PPP6R2: variants seen among roughly 807,000 people sequenced by gnomAD.
PPP6R2 encodes the protein serine/threonine-protein phosphatase 6 regulatory subunit 2.
In PPP6R2, 62 loss-of-function variants were observed where a neutral mutation model predicts 100.2. The ratio of observed to expected loss-of-function variants is 0.62; its 90% CI spans 0.50 to 0.76. PPP6R2 has a LOEUF of 0.76. Among genes scored for constraint, PPP6R2 ranks in the 30% least tolerant of loss-of-function variants. The probability of loss-of-function intolerance (pLI) is 0.00; values close to 1 mark genes in which losing one functional copy is unlikely to be tolerated. For missense variants in PPP6R2, 1,142 were observed against 1,276.3 expected, an observed-to-expected ratio of 0.89 and a Z score of 1.60; for synonymous variants, 525 against 514.7, an observed-to-expected ratio of 1.02 and a Z score of -0.27.
chr22:50,342,064 A>G (rs59137481), upstream of PPP6R2, among the ~76,000 whole-genome samples: 33,498 of 151,526 alleles, frequency 0.22, 5,445 homozygotes, highest in African/African-American at 0.46. Flanking sequence ...GAGGGGTATC[A>G]AGATCAGGCA....
chr22:50,379,883 C>A (rs925946811), intron 2 of PPP6R2, among the ~76,000 whole-genome samples: 2 of 152,108 alleles, frequency 1.3e-5, no homozygotes, highest in African/African-American at 4.8e-5. Flanking sequence ...CTCCAAAAAA[C>A]CCCACTAATT....
chr22:50,394,936 GTT>G (rs1371480711), intron 3 of PPP6R2, among the ~76,000 whole-genome samples: 7 of 128,300 alleles, frequency 5.5e-5, no homozygotes, highest in Admixed American at 3.2e-4. Context: ...AAAAAAAAGA[GTT>G]TTGACTGTCT....
chr22:50,422,508 A>G (rs2061471074), intron 9 of PPP6R2, 128 bp downstream of exon 9: 2 of 1,262,390 alleles, frequency 1.6e-6, no homozygotes, highest in Admixed American at 5.4e-5. Flanking sequence ...TAAGACGGCC[A>G]TTCCCACACC....
chr22:50,432,336 G>T lies in PPP6R2; in HGVS notation c.1400+7G>T. 1.9e-6 allele frequency: 3 copies of T among 1,548,752 alleles called. No individual in the cohort carries two copies. The highest frequency in any genetic ancestry group is 2.6e-6 in the Non-Finnish European group (3 of 1,146,682). On this transcript the variant is annotated splice_region_variant and intron_variant, in intron 12 of 23. Coordinates refer to ENST00000612753, the MANE Select transcript of PPP6R2 (RefSeq NM_001242898.2). ...AAGCCAACGACCACACGCAGTAAGA[G>T]CCGCTCGGACGTGGAGGGACCCAGC...
chr22:50,396,814 G>C (rs2056997417), intron 3 of PPP6R2, among the ~76,000 whole-genome samples: 1 of 152,156 alleles, frequency 6.6e-6, no homozygotes, highest in South Asian at 2.1e-4. Context: ...TGCTGGGTTG[G>C]GGAGGAGAGT....
intron 4 of PPP6R2, among the ~76,000 whole-genome samples, chr22:50,409,709 A>T (rs1170404703): frequency 6.6e-6 from 1 of 151,916 alleles, no homozygotes; most frequent in African/African-American, 2.4e-5. Context: ...TACAGGCGTA[A>T]GCCACCGCGC....
chr22:50,416,779 C>T (rs1334617963), intron 6 of PPP6R2, among the ~76,000 whole-genome samples: 3 of 151,808 alleles, frequency 2.0e-5, no homozygotes, highest in Non-Finnish European at 4.4e-5. Context: ...GCCTGGCCAA[C>T]GTGGCGAAAC....
chr22:50,359,517 T>C (rs991871173), intron 1 of PPP6R2, among the ~76,000 whole-genome samples: 1 of 141,604 alleles, frequency 7.1e-6, no homozygotes, highest in African/African-American at 3.0e-5. Context: ...ATGCCCGGCC[T>C]GTGGAGTGTT....
intron 2 of PPP6R2, among the ~76,000 whole-genome samples, chr22:50,379,423 G>A (rs2052398284): frequency 6.6e-6 from 1 of 152,098 alleles, no homozygotes; most frequent in African/African-American, 2.4e-5. Flanking sequence ...CTTGAGCCTG[G>A]AGGTGGAGGC....
At chr22:50,380,429 C>T (rs112977909) in intron 2 of PPP6R2, among the ~76,000 whole-genome samples, 5 of 151,052 alleles carry the variant, frequency 3.3e-5, no homozygotes, top group Non-Finnish European at 7.4e-5. Flanking sequence ...GGTGCAGTCT[C>T]GGCTCACTGC....
intron 2 of PPP6R2, among the ~76,000 whole-genome samples, chr22:50,375,369 T>C (rs2051253272): frequency 6.6e-6 from 1 of 152,156 alleles, no homozygotes. Context: ...CACCATAGAA[T>C]GGGGTCTGCT....
Position 50,440,987 on chromosome 22 carries a change from C to T in PPP6R2, c.2540C>T (p.Pro847Leu), listed in dbSNP as rs759377991. The T allele has an allele frequency of 1.1e-4, 180 of 1,609,900 alleles. No homozygotes were observed. Among genetic ancestry groups the T allele is most frequent in the African/African-American group, 5.6e-4 (42 of 74,868 alleles). ...AGGGGTCCCGGCCGGGAGGCCCCCC[C>T]GCTGCCCACAGTGGCCAGGACAGAG... Reference protein sequence around the residue: ...VSRGPGREAPPLPTVARTEEA... With the variant: ...VSRGPGREAPLLPTVARTEEA... The change falls in exon 22 of 24, where the codon CCG becomes CTG. Residue 847 changes from proline (P) to leucine (L), a missense_variant. By Grantham distance (98) the Pro-to-Leu change is moderately conservative (BLOSUM62 -3). Transcript: ENST00000612753.
intron 3 of PPP6R2, among the ~76,000 whole-genome samples, chr22:50,395,868 G>A (rs545913623): frequency 1.3e-5 from 2 of 149,766 alleles, no homozygotes; most frequent in Admixed American, 1.3e-4. Context: ...TGCCTGGCTC[G>A]TTTTACCTTT....
At chr22:50,384,356 C>T (rs1044657337) in intron 2 of PPP6R2, among the ~76,000 whole-genome samples, 1 of 152,074 alleles carries the variant, frequency 6.6e-6, no homozygotes, top group Non-Finnish European at 1.5e-5. Flanking sequence ...TAGACCGAGA[C>T]CATCCTGGCT....
intron 10 of PPP6R2, among the ~76,000 whole-genome samples, chr22:50,425,869 AG>A (rs1442260456): frequency 2.1e-5 from 3 of 141,940 alleles, no homozygotes; most frequent in Non-Finnish European, 4.6e-5. Context: ...TTTTGAATTG[AG>A]TTTTTTTTTT....
intron 2 of PPP6R2, among the ~76,000 whole-genome samples, chr22:50,386,352 G>T (rs1048710540): frequency 1.5e-4 from 23 of 151,812 alleles, no homozygotes; most frequent in African/African-American, 5.6e-4. Context: ...TGTTGGCCAG[G>T]CTGGTCTCAA....
At chr22:50,414,088 G>A (rs968909262) in intron 4 of PPP6R2, among the ~76,000 whole-genome samples, 2 of 152,238 alleles carry the variant, frequency 1.3e-5, no homozygotes, top group African/African-American at 4.8e-5. Flanking sequence ...CCCTTCAACC[G>A]CTCATGGGTT....
the PPP6R2 span, among the ~76,000 whole-genome samples, chr22:50,333,413 T>A: frequency 6.6e-6 from 1 of 151,684 alleles, no homozygotes; most frequent in East Asian, 1.9e-4. Flanking sequence ...CTTGGCTCAC[T>A]GCAAGCTCCG....
intron 2 of PPP6R2, 54 bp from the exon 3 acceptor site, chr22:50,393,839 C>T: frequency 1.9e-6 from 3 of 1,603,288 alleles, no homozygotes; most frequent in Non-Finnish European, 2.6e-6. Flanking sequence ...TCTAGTGTTG[C>T]TGAAGGTGGA....
Sources: gnomAD v4.1 joint callset for allele counts (sites outside exome capture counted in the v4.1 genomes callset) on GRCh38, gnomAD v4.1.1 for gene constraint, MANE v1.5 for transcripts, NCBI Gene and HGNC (gene_info 2026-07-23, HGNC 2026-07-21) for gene names.